The following WWP1 variants were observed in gnomAD, a reference collection of about 807,000 sequenced individuals.
The protein encoded by WWP1 is NEDD4-like E3 ubiquitin-protein ligase WWP1.
WWP1 carries 49 observed loss-of-function variants against 130.6 expected under a neutral mutation model. The ratio of observed to expected loss-of-function variants is 0.38; its 90% CI spans 0.30 to 0.48. The LOEUF (loss-of-function observed/expected upper bound fraction) is 0.48. WWP1 is among the 20% of genes least tolerant of loss of function. WWP1 has a pLI of 0.99. For missense variants in WWP1, 809 were observed against 1,100.6 expected (o/e 0.74, Z 3.75); for synonymous variants, 332 against 367.8 (o/e 0.90, Z 1.11).
At chr8:86,443,668 T>C (rs771283804) in intron 18 of WWP1, among the ~76,000 whole-genome samples, 3 of 152,200 alleles carry the variant, frequency 2.0e-5, no homozygotes, top group Admixed American at 6.5e-5. Flanking sequence ...TCAATAGATA[T>C]ATTCTGAAGG....
intron 21 of WWP1, among the ~76,000 whole-genome samples, chr8:86,455,390 A>G (rs1811379496): frequency 6.6e-6 from 1 of 152,042 alleles, no homozygotes; most frequent in South Asian, 2.1e-4. Context: ...CTATATTCAC[A>G]GATGAAAACA....
chr8:86,433,325 A>G (rs1810100525), intron 14 of WWP1, among the ~76,000 whole-genome samples: 2 of 150,976 alleles, frequency 1.3e-5, no homozygotes, highest in African/African-American at 4.9e-5. Context: ...ATGACTCACA[A>G]ATTTAGCTCA....
chr8:86,435,689 A>G lies in WWP1; in HGVS notation c.1734A>G (p.Glu578=), dbSNP rs746455521. 31 of 1,612,122 alleles carry G rather than the reference A, an allele frequency of 1.9e-5. No individual in the cohort carries two copies. In the East Asian group the frequency reaches 6.9e-4, roughly 36 times the overall value. Residue 578 remains glutamate (E), a synonymous_variant, in exon 16 of 25, where the codon GAA becomes GAG. Transcript: ENST00000517970. ...KINVSRQTLF[E]DSFQQIMALK... is the part of the protein sequence containing the mutation. ...ATGTGTCCCGGCAGACATTGTTTGA[A>G]GATTCCTTCCAACAGGTAAGGAGGA...
chr8:86,435,830 C>T (rs1810257363), intron 16 of WWP1, 126 bp downstream of exon 16: 2 of 864,072 alleles, frequency 2.3e-6, no homozygotes, highest in Admixed American at 2.8e-5. Context: ...TGACTGCCAC[C>T]ACCACTTGTT....
chr8:86,422,643 G>T (rs550530499), intron 9 of WWP1, among the ~76,000 whole-genome samples: 1 of 151,882 alleles, frequency 6.6e-6, no homozygotes, highest in Non-Finnish European at 1.5e-5. Context: ...AAAGTGCTGG[G>T]ATTACAGGTG....
chr8:86,411,533 C>T lies in WWP1; in HGVS notation c.725-5C>T. 7 of 1,603,254 alleles carry T rather than the reference C, an allele frequency of 4.4e-6. No homozygotes were observed. The highest frequency in any genetic ancestry group is 5.1e-6 in the Non-Finnish European group (6 of 1,173,276). On this transcript the variant is annotated splice_region_variant and splice_polypyrimidine_tract_variant and intron_variant, in intron 8 of 24. Coordinates refer to ENST00000517970, the MANE Select transcript of WWP1 (RefSeq NM_007013.4). The stretch of plus-strand genomic sequence containing the variant: ...TAGATGATTTTATTAATTTTCCCTT[C>T]TCAGTTAATGGAGAATCATCCTCAT...
chr8:86,381,747 C>A, intron 5 of WWP1, 118 bp downstream of exon 5: 1 of 1,007,220 alleles, frequency 9.9e-7, no homozygotes, highest in Non-Finnish European at 1.3e-6. Flanking sequence ...TCAGTTATTG[C>A]TTGTGATTGA....
At position 86,442,607 on chromosome 8, in the gene WWP1, A is replaced by G. The variant is rs530608761; in HGVS notation, c.1839-12A>G. 3 of 1,574,998 alleles carry G rather than the reference A, an allele frequency of 1.9e-6. No homozygotes were observed. The African/African-American group carries it at 4.1e-5, about 22-fold the overall frequency. On this transcript the variant is annotated splice_polypyrimidine_tract_variant and intron_variant, in intron 17 of 24. Transcript: ENST00000517970. ...TAATGCTAAAAAATAACCTTGACTT[A>G]TTTTCTTATAGAGAATGGTTTTTCT...
intron 9 of WWP1, among the ~76,000 whole-genome samples, chr8:86,417,976 C>A (rs1451831210): frequency 1.3e-5 from 2 of 152,174 alleles, no homozygotes; most frequent in East Asian, 3.9e-4. Context: ...TGAGTAATGT[C>A]CGATAGTGAC....
intron 2 of WWP1, among the ~76,000 whole-genome samples, chr8:86,369,787 CTG>C (rs1043670925): frequency 6.6e-6 from 1 of 152,104 alleles, no homozygotes; most frequent in Non-Finnish European, 1.5e-5. Flanking sequence ...AGACTAAATG[CTG>C]TCTGAAAGCT....
rs555585296 is a variant in WWP1 at position 86,370,855 on chromosome 8, C to CTTTTTTTTTTTTTTTTTTTTT, written c.-22+1832_-22+1852dup. Among the ~76,000 whole-genome samples the CTTTTTTTTTTTTTTTTTTTTT allele has an allele frequency of 4.5e-5, 2 of 44,886 alleles. 1 individual carries two copies. Among genetic ancestry groups the CTTTTTTTTTTTTTTTTTTTTT allele is most frequent in the African/African-American group, 2.1e-4 (2 of 9,652 alleles). 29.4% of individuals were successfully genotyped at this position (44,886 alleles called of 152,430 possible). Reference sequence around the variant, plus strand: ...GGTATTGCTTATAGCTATATTCATTCTTTTTTTTTTTTTTTTTTTTTTTTT... The same window carrying CTTTTTTTTTTTTTTTTTTTTT: ...GGTATTGCTTATAGCTATATTCATTCTTTTTTTTTTTTTTTTTTTTTTTTTTTTTTTTTTTTTTTTTTTTTT... On this transcript the variant is annotated intron_variant, in intron 2 of 24. Transcript: ENST00000517970.
Position 86,438,666 on chromosome 8 carries a change from C to T in WWP1, c.1831C>T (p.Leu611=). The change falls in exon 17 of 25, where the codon CTA becomes TTA. Residue 611 remains leucine (L), a synonymous_variant. Coordinates refer to ENST00000517970, the MANE Select transcript of WWP1 (RefSeq NM_007013.4). ...AGAAGAAGGACTTGATTATGGTGGC[C>T]TAGCGAGGTAAAATAAAAAACACAT... ...RGEEGLDYGG[L]AREWFFLLSH... The T allele has an allele frequency of 6.2e-7, 1 of 1,602,050 alleles. No homozygotes were observed. Among genetic ancestry groups the T allele is most frequent in the Non-Finnish European group, 8.5e-7 (1 of 1,176,696 alleles).
chr8:86,342,562 T>C lies in WWP1; in HGVS notation c.-483T>C, dbSNP rs1822241655. Among the ~76,000 whole-genome samples, 1 of 150,730 alleles carries C rather than the reference T, an allele frequency of 6.6e-6. No homozygotes were observed. The highest frequency in any genetic ancestry group is 2.4e-5 in the African/African-American group (1 of 41,078). On this transcript the variant is annotated 5_prime_UTR_variant, in exon 1 of 25. Coordinates refer to ENST00000517970, the MANE Select transcript of WWP1 (RefSeq NM_007013.4). ...GGGGAGGCGGATTCCGGGTCCGGAG[T>C]TGGAGGCTTTGGGCGGCCGCGGCGT...
intron 20 of WWP1, 137 bp downstream of exon 20, chr8:86,448,650 G>T: frequency 1.3e-6 from 1 of 751,152 alleles, no homozygotes; most frequent in Non-Finnish European, 2.0e-6. Flanking sequence ...TGAAAAAAGA[G>T]AATATATGTT....
At position 86,457,659 on chromosome 8, in the gene WWP1, G is replaced by A. The variant is rs183274810; in HGVS notation, c.2395-262G>A. Among the ~76,000 whole-genome samples, 114 of 152,186 alleles carry A rather than the reference G, an allele frequency of 7.5e-4. 1 individual carries two copies. The highest frequency in any genetic ancestry group is 2.6e-3 in the African/African-American group (109 of 41,566). On this transcript the variant is annotated intron_variant, in intron 21 of 24. Coordinates refer to ENST00000517970, the MANE Select transcript of WWP1 (RefSeq NM_007013.4). The stretch of plus-strand genomic sequence containing the variant: ...TACGGTAAAGGATACATGCTTTTCA[G>A]TATAGCTGTTTTTCTTGAAGAATAC...
intron 8 of WWP1, among the ~76,000 whole-genome samples, chr8:86,410,690 T>G (rs1275323942): frequency 1.4e-5 from 2 of 139,720 alleles, no homozygotes; most frequent in Non-Finnish European, 3.1e-5. Flanking sequence ...CCAAAATTCA[T>G]TTTCTTCTAC....
chr8:86,453,239 C>T (rs138167612), intron 21 of WWP1, among the ~76,000 whole-genome samples: 1 of 152,272 alleles, frequency 6.6e-6, no homozygotes, highest in African/African-American at 2.4e-5. Context: ...TACTTTGTTT[C>T]TGTGAGTTTG....
intron 21 of WWP1, among the ~76,000 whole-genome samples, chr8:86,453,827 A>G (rs374156202): frequency 2.0e-5 from 3 of 152,038 alleles, no homozygotes; most frequent in East Asian, 1.9e-4. Flanking sequence ...AGAATTTTCT[A>G]AAGCTTATTT....
At chr8:86,406,698 CAT>C (rs1292777665) in intron 8 of WWP1, among the ~76,000 whole-genome samples, 1 of 152,122 alleles carries the variant, frequency 6.6e-6, no homozygotes, top group Non-Finnish European at 1.5e-5. Context: ...TTTTGTCACA[CAT>C]ATGGCTTCAT....
Sources: allele counts gnomAD v4.1 joint callset (sites outside exome capture counted in the v4.1 genomes callset), GRCh38; gene constraint gnomAD v4.1.1; transcripts MANE v1.5; gene names NCBI Gene and HGNC (gene_info 2026-07-23, HGNC 2026-07-21).